Variants in GDAP1L1 observed in about 807,000 individuals in gnomAD.
GDAP1L1 encodes ganglioside induced differentiation associated protein 1 like 1, also known as ganglioside-induced differentiation-associated protein 1-like 1.
In GDAP1L1, 21 loss-of-function variants were observed where a neutral mutation model predicts 37.1. The ratio of observed to expected loss-of-function variants is 0.57; its 90% CI spans 0.40 to 0.81. GDAP1L1 has a LOEUF of 0.81. Among genes scored for constraint, GDAP1L1 ranks in the 40% least tolerant of loss-of-function variants. The pLI is 0.00. For missense variants in GDAP1L1, 362 were observed against 491.6 expected (o/e 0.74, Z 2.49); for synonymous variants, 193 against 209.1 (o/e 0.92, Z 0.67).
rs966509488 is a variant in GDAP1L1, at chr20:44,258,750, C to T, written c.547+143C>T. 1.3e-4 allele frequency: 87 copies of T among 648,644 alleles called. No individual in the cohort carries two copies. In the East Asian group the frequency reaches 2.1e-3, roughly 15 times the overall value. 40.2% of individuals were successfully genotyped at this position (648,644 alleles called of 1,614,324 possible). ...TCTCCCTCTTGCATTCTCCATTTGT[C>T]CCCGCCTCTCTCTGAGTGCTCGGGG... On this transcript the variant is annotated intron_variant, in intron 3 of 5. Coordinates refer to ENST00000342560, the MANE Select transcript of GDAP1L1 (RefSeq NM_024034.6).
Position 44,247,378 on chromosome 20 carries a change from G to A in GDAP1L1, c.44G>A (p.Trp15Ter), listed in dbSNP as rs376618654. Reference sequence around the variant, plus strand: ...CTGACCCCCACCAACTGCAGCTGGTGGCCCATCTCCGCGCTGGAGAGCGAT... The same window carrying A: ...CTGACCCCCACCAACTGCAGCTGGTAGCCCATCTCCGCGCTGGAGAGCGAT... ...NNLTPTNCSW[W>*]PISALESDAA... Residue 15 changes from tryptophan (W) to a stop codon, truncating the protein, a stop_gained, in exon 1 of 6, where the codon TGG (tryptophan) becomes TAG (stop). Transcript: ENST00000342560. LOFTEE classifies it high-confidence loss of function. 3 of 1,613,372 alleles carry A rather than the reference G, an allele frequency of 1.9e-6. No individual in the cohort carries two copies. Among genetic ancestry groups the A allele is most frequent in the Non-Finnish European group, 2.5e-6 (3 of 1,179,902 alleles).
intron 1 of GDAP1L1, among the ~76,000 whole-genome samples, chr20:44,253,233 G>A (rs1481185360): frequency 1.3e-5 from 2 of 152,148 alleles, no homozygotes; most frequent in Non-Finnish European, 2.9e-5. Context: ...TTCCCTGAGG[G>A]CAGGGATCAT....
At chr20:44,247,559 T>C (rs779718999) in intron 1 of GDAP1L1, 45 bp downstream of exon 1, 57 of 1,445,118 alleles carry the variant, frequency 3.9e-5, no homozygotes, top group Non-Finnish European at 3.7e-5. Context: ...CCAGGAAGCT[T>C]GGGGAGGGGA....
At chr20:44,253,396 C>G (rs1316268104) in intron 1 of GDAP1L1, among the ~76,000 whole-genome samples, 1 of 152,124 alleles carries the variant, frequency 6.6e-6, no homozygotes, top group Non-Finnish European at 1.5e-5. Context: ...AAAATAAGGC[C>G]TACTAATTTT....
intron 1 of GDAP1L1, among the ~76,000 whole-genome samples, chr20:44,256,412 G>A (rs2073546708): frequency 6.6e-6 from 1 of 152,178 alleles, no homozygotes; most frequent in Non-Finnish European, 1.5e-5. Context: ...GCTAACATCT[G>A]TAATCCCAGC....
At chr20:44,255,156 C>G (rs1356712703) in intron 1 of GDAP1L1, among the ~76,000 whole-genome samples, 2 of 152,180 alleles carry the variant, frequency 1.3e-5, no homozygotes, top group African/African-American at 2.4e-5. Flanking sequence ...AGGCACCATT[C>G]CACAGGGACT....
chr20:44,265,316 A>C, intron 5 of GDAP1L1: 1 of 984,052 alleles, frequency 1.0e-6, no homozygotes, highest in Non-Finnish European at 1.2e-6. Flanking sequence ...ACACCACTCC[A>C]CTCCATTTTG....
chr20:44,263,131 C>G, intron 3 of GDAP1L1, 99 bp from the exon 4 acceptor site: 1 of 871,454 alleles, frequency 1.1e-6, no homozygotes, highest in Non-Finnish European at 2.0e-6. Context: ...ACTCTTCTGA[C>G]CAGTGTTTGG....
chr20:44,263,872 A>T (rs888755437), intron 4 of GDAP1L1, among the ~76,000 whole-genome samples: 5 of 151,594 alleles, frequency 3.3e-5, no homozygotes, highest in Non-Finnish European at 7.4e-5. Context: ...TAAATATATA[A>T]ATAAATAAAA....
In GDAP1L1 at chr20:44,279,826, A is replaced by G; in HGVS notation, c.*526A>G. 4.3e-6 allele frequency: 2 copies of G among 470,300 alleles called. No individual in the cohort carries two copies. Among genetic ancestry groups the G allele is most frequent in the South Asian group, 1.6e-5 (1 of 64,346 alleles). 29.1% of individuals were successfully genotyped at this position (470,300 alleles called of 1,614,324 possible). On this transcript the variant is annotated 3_prime_UTR_variant, in exon 6 of 6. Coordinates refer to ENST00000342560, the MANE Select transcript of GDAP1L1 (RefSeq NM_024034.6). ...ACCCCATGGGAGGTCCCTGAAGATC[A>G]GAAGGGGCTTCACGCTTCTCCTGGA... is the stretch of plus-strand genomic sequence containing the variant.
intron 5 of GDAP1L1, among the ~76,000 whole-genome samples, chr20:44,274,751 T>A (rs1412672643): frequency 6.6e-6 from 1 of 152,212 alleles, no homozygotes; most frequent in Admixed American, 6.5e-5. Flanking sequence ...TTTCCAAGTC[T>A]GGCTACACTG....
chr20:44,261,752 C>G (rs1235670397), intron 3 of GDAP1L1, among the ~76,000 whole-genome samples: 1 of 152,212 alleles, frequency 6.6e-6, no homozygotes, highest in Non-Finnish European at 1.5e-5. Flanking sequence ...TTTGCGTTCC[C>G]TGGCAGAAGT....
rs1393990051 is a variant in GDAP1L1, at chr20:44,280,266, G to A, written c.*966G>A. On this transcript the variant is annotated 3_prime_UTR_variant, in exon 6 of 6. Coordinates refer to ENST00000342560, the MANE Select transcript of GDAP1L1 (RefSeq NM_024034.6). ...CTCTGCATCCATGCCACCCACCCCA[G>A]TCGGGTCTCACTTTCCTGTGCCTTT... 6.4e-6 allele frequency: 1 copy of A among 157,018 alleles called. No individual in the cohort carries two copies. The highest frequency in any genetic ancestry group is 2.4e-5 in the African/African-American group (1 of 41,436). 9.7% of individuals were successfully genotyped at this position (157,018 alleles called of 1,614,324 possible). A position where few individuals can be genotyped will look rare whatever the true frequency, so the allele number is the denominator to read the frequency against.
chr20:44,264,628 A>T, intron 5 of GDAP1L1, 69 bp downstream of exon 5: 1 of 1,561,344 alleles, frequency 6.4e-7, no homozygotes, highest in Non-Finnish European at 8.7e-7. Context: ...GCCCAGTCTC[A>T]GCCTCTTTTT....
chr20:44,264,350 T>G (rs1600548314), intron 4 of GDAP1L1, 95 bp from the exon 5 acceptor site: 1 of 1,326,562 alleles, frequency 7.5e-7, no homozygotes, highest in Non-Finnish European at 9.6e-7. Flanking sequence ...GGAGGCTGGG[T>G]TTGCAGAAGA....
intron 1 of GDAP1L1, among the ~76,000 whole-genome samples, chr20:44,249,715 G>C (rs537528517): frequency 6.6e-5 from 10 of 152,308 alleles, no homozygotes; most frequent in African/African-American, 1.9e-4. Context: ...CCAAGTCTCT[G>C]GCCAAGCTAA....
At chr20:44,249,228 G>A (rs185962494) in intron 1 of GDAP1L1, among the ~76,000 whole-genome samples, 90 of 152,138 alleles carry the variant, frequency 5.9e-4, no homozygotes, top group Middle Eastern at 3.4e-3. Flanking sequence ...GGTAGAGACA[G>A]GGTTTCACCA....
Position 44,257,335 on chromosome 20 carries a change from C to T in GDAP1L1, c.363C>T (p.Thr121=). 1 of 1,613,408 alleles carries T rather than the reference C, an allele frequency of 6.2e-7. No individual in the cohort carries two copies. The highest frequency in any genetic ancestry group is 8.5e-7 in the Non-Finnish European group (1 of 1,179,662). Reference sequence around the variant, plus strand: ...AGATCATTGACTATGTGGAGCGCACCTTCACAGGAGGTACGGCTGCCTCCC... The same window carrying T: ...AGATCATTGACTATGTGGAGCGCACTTTCACAGGAGGTACGGCTGCCTCCC... ...YDQIIDYVER[T]FTGEHVVALM... Residue 121 remains threonine, a synonymous_variant, in exon 2 of 6, where the codon ACC becomes ACT. Coordinates refer to ENST00000342560, the MANE Select transcript of GDAP1L1 (RefSeq NM_024034.6).
rs556477529 is a variant in GDAP1L1 at position 44,279,999 on chromosome 20, C to T, written c.*699C>T. The T allele has an allele frequency of 2.3e-4, 80 of 345,708 alleles. 3 individuals carry two copies. The highest frequency in any genetic ancestry group is 1.7e-3 in the South Asian group (76 of 43,742). 21.4% of individuals were successfully genotyped at this position (345,708 alleles called of 1,614,324 possible). A position where few individuals can be genotyped will look rare whatever the true frequency, so the allele number is the denominator to read the frequency against. On this transcript the variant is annotated 3_prime_UTR_variant, in exon 6 of 6. Transcript: ENST00000342560. Reference sequence around the variant, plus strand: ...AGAAATCTCTGAAGGCAGCAGCCATCATCCTCTTCCTACCTTGAGTTTTTC... The same window carrying T: ...AGAAATCTCTGAAGGCAGCAGCCATTATCCTCTTCCTACCTTGAGTTTTTC...
Sources: allele counts gnomAD v4.1 joint callset (sites outside exome capture counted in the v4.1 genomes callset), GRCh38; gene constraint gnomAD v4.1.1; transcripts MANE v1.5; gene names NCBI Gene and HGNC (gene_info 2026-07-23, HGNC 2026-07-21).